Variants in KRT23 observed in about 807,000 individuals in gnomAD.
KRT23 encodes keratin 23.
In KRT23, 38 loss-of-function variants were observed where a neutral mutation model predicts 47.6. The ratio of observed to expected loss-of-function variants is 0.80; its 90% CI spans 0.62 to 1.05. The LOEUF (loss-of-function observed/expected upper bound fraction) is 1.05, where lower values mean the gene tolerates loss of function less well. Among genes scored for constraint, KRT23 ranks in the 50% least tolerant of loss-of-function variants. The pLI is 0.00. For synonymous variants in KRT23, 191 were observed against 199.0 expected (o/e 0.96, Z 0.34); for missense variants, 503 against 529.5 (o/e 0.95, Z 0.49).
intron 8 of KRT23, among the ~76,000 whole-genome samples, chr17:40,923,378 T>G (rs1328551118): frequency 6.6e-6 from 1 of 152,226 alleles, no homozygotes; most frequent in Non-Finnish European, 1.5e-5. Flanking sequence ...TGAGGAGTTC[T>G]TTCTCTGCCT....
At position 40,924,607 on chromosome 17, in the gene KRT23, C is replaced by T. The variant is rs914097638; in HGVS notation, c.1143-104G>A. The T allele has an allele frequency of 4.5e-6, 4 of 894,440 alleles. No individual in the cohort carries two copies. In the African/African-American group the frequency reaches 4.9e-5, roughly 11 times the overall value. The allele number at this position is 894,440 out of a possible 1,614,324, so 55.4% of individuals were successfully genotyped here. ...TTCGCTTGCTTGTAAATCCTCTGCT[C>T]TTTAATGAGGATAATTGTCTGAGCT... On this transcript the variant is annotated intron_variant, in intron 7 of 8. Coordinates refer to ENST00000209718, the MANE Select transcript of KRT23 (RefSeq NM_015515.5).
chr17:40,926,457 G>A (rs957316890), intron 6 of KRT23, among the ~76,000 whole-genome samples: 4 of 152,028 alleles, frequency 2.6e-5, no homozygotes, highest in Non-Finnish European at 5.9e-5. Flanking sequence ...CCATGGCCTC[G>A]CTTCCTAATT....
intron 6 of KRT23, 93 bp downstream of exon 6, chr17:40,928,145 A>C: frequency 6.7e-7 from 1 of 1,496,096 alleles, no homozygotes; most frequent in South Asian, 1.2e-5. Context: ...AGTTGTCCCA[A>C]GGGAGTTGAG....
At chr17:40,935,998 C>T (rs1910036303) in intron 2 of KRT23, among the ~76,000 whole-genome samples, 1 of 152,172 alleles carries the variant, frequency 6.6e-6, no homozygotes, top group Non-Finnish European at 1.5e-5. Flanking sequence ...TCTACATTAT[C>T]CATGGACAGT....
At chr17:40,933,445 T>G (rs992160332) in intron 2 of KRT23, among the ~76,000 whole-genome samples, 1 of 152,244 alleles carries the variant, frequency 6.6e-6, no homozygotes, top group Admixed American at 6.5e-5. Context: ...CCAAAGAGCC[T>G]GGGGGCCATT....
At chr17:40,929,805 T>C in intron 4 of KRT23, 135 bp downstream of exon 4, 1 of 671,026 alleles carries the variant, frequency 1.5e-6, no homozygotes, top group Non-Finnish European at 2.4e-6. Context: ...TTTGTATGTT[T>C]TTCTAAAGAC....
At position 40,928,533 on chromosome 17, in the gene KRT23, C is replaced by A. The variant is rs1280452622; in HGVS notation, c.711G>T (p.Leu237=). 6.2e-7 allele frequency: 1 copy of A among 1,614,060 alleles called. No individual in the cohort carries two copies. The highest frequency in any genetic ancestry group is 1.1e-5 in the South Asian group (1 of 91,086). The change falls in exon 5 of 9, where the codon CTG becomes CTT. Residue 237 remains leucine (L), a synonymous_variant. Transcript: ENST00000209718. The stretch of plus-strand genomic sequence containing the variant: ...GTCTCATATCCTCCAGGACCTTAAT[C>A]AGATCTTCCCTGGGACCTGTATCCA... ...VKVDTGPRED[L]IKVLEDMRQE...
intron 7 of KRT23, 85 bp from the exon 8 acceptor site, chr17:40,924,588 T>C (rs988549387): frequency 2.8e-6 from 3 of 1,053,634 alleles, no homozygotes; most frequent in Non-Finnish European, 4.4e-6. Context: ...TTCCTTCGCT[T>C]GCTTGTAAAT....
chr17:40,934,209 C>G (rs1468764866), intron 2 of KRT23, among the ~76,000 whole-genome samples: 1 of 152,166 alleles, frequency 6.6e-6, no homozygotes, highest in Non-Finnish European at 1.5e-5. Context: ...TGTGGGACCT[C>G]CTTGCACCTC....
At chr17:40,925,613 C>G (rs779887575) in intron 6 of KRT23, 39 bp from the exon 7 acceptor site, 2 of 1,447,778 alleles carry the variant, frequency 1.4e-6, no homozygotes, top group South Asian at 2.4e-5. Context: ...TAACTGATGG[C>G]TTGATTGAGT....
In KRT23 at chr17:40,922,933, A is replaced by G. The variant is rs1156262012; in HGVS notation, c.*56T>C. ...AGAACTCACTCACTGGTGTCTGTGCAAGGACTTTCCTTGGGGGAAAATAGA... is the reference window on the plus strand; with the variant it reads ...AGAACTCACTCACTGGTGTCTGTGCGAGGACTTTCCTTGGGGGAAAATAGA... On this transcript the variant is annotated 3_prime_UTR_variant, in exon 9 of 9. Transcript: ENST00000209718. 7.1e-6 allele frequency: 9 copies of G among 1,266,978 alleles called. No individual in the cohort carries two copies. The highest frequency in any genetic ancestry group is 9.2e-6 in the Non-Finnish European group (8 of 865,006). 78.5% of individuals were successfully genotyped at this position (1,266,978 alleles called of 1,614,324 possible).
intron 2 of KRT23, among the ~76,000 whole-genome samples, chr17:40,934,526 G>T (rs918409965): frequency 6.6e-6 from 1 of 152,168 alleles, no homozygotes; most frequent in Non-Finnish European, 1.5e-5. Context: ...ACAAATACCT[G>T]CTCCACACAG....
At position 40,923,095 on chromosome 17, in the gene KRT23, A is replaced by C; in HGVS notation, c.1175-12T>G. On this transcript the variant is annotated splice_polypyrimidine_tract_variant and intron_variant, in intron 8 of 8. Transcript: ENST00000209718. ...TGGAGTTGCAGACACTGAGAAAAAGAGCATGGAAGATGTCACTGCCATGCT... is the reference window on the plus strand; with the variant it reads ...TGGAGTTGCAGACACTGAGAAAAAGCGCATGGAAGATGTCACTGCCATGCT... 1 of 1,582,602 alleles carries C rather than the reference A, an allele frequency of 6.3e-7. No individual in the cohort carries two copies. The highest frequency in any genetic ancestry group is 1.3e-5 in the African/African-American group (1 of 74,398).
chr17:40,929,906 G>T (rs765303853), intron 4 of KRT23, 34 bp downstream of exon 4: 22 of 1,604,370 alleles, frequency 1.4e-5, no homozygotes, highest in African/African-American at 2.7e-5. Context: ...GCTAAGAGCT[G>T]TGCTTATTAG....
intron 2 of KRT23, 146 bp from the exon 3 acceptor site, chr17:40,931,601 C>G: frequency 1.6e-6 from 1 of 628,536 alleles, no homozygotes; most frequent in Admixed American, 2.6e-5. Context: ...AATGAATAAC[C>G]GAATCAGTAA....
chr17:40,925,261 T>C, intron 7 of KRT23, 93 bp downstream of exon 7: 1 of 1,055,680 alleles, frequency 9.5e-7, no homozygotes, highest in South Asian at 1.3e-5. Context: ...CTTGCTAGAG[T>C]GACTCTTGCT....
rs3067615 is a variant in KRT23, at chr17:40,929,027, C to CAAAA, written c.637-424_637-421dup. ...GGGTGACAGAGTGAGACCCTGTCTCCAAAAAAAAAAAAAAAAAAAAAAAGA... is the reference window on the plus strand; with the variant it reads ...GGGTGACAGAGTGAGACCCTGTCTCCAAAAAAAAAAAAAAAAAAAAAAAAAAAGA... On this transcript the variant is annotated intron_variant, in intron 4 of 8. Coordinates refer to ENST00000209718, the MANE Select transcript of KRT23 (RefSeq NM_015515.5). Among the ~76,000 whole-genome samples the CAAAA allele has an allele frequency of 1.8e-3, 116 of 64,216 alleles. 4 individuals carry two copies. The highest frequency in any genetic ancestry group is 5.3e-3 in the African/African-American group (83 of 15,682). 42.1% of individuals were successfully genotyped at this position (64,216 alleles called of 152,430 possible).
At chr17:40,936,129 T>A in intron 2 of KRT23, 79 bp downstream of exon 2, 1 of 1,505,310 alleles carries the variant, frequency 6.6e-7, no homozygotes, top group Non-Finnish European at 9.1e-7. Context: ...GGAAATTGTC[T>A]TCTGGACTCA....
chr17:40,924,450 A>G (rs751725367), intron 8 of KRT23, 22 bp downstream of exon 8: 1 of 1,601,390 alleles, frequency 6.2e-7, no homozygotes, highest in Non-Finnish European at 8.6e-7. Context: ...CAGAGATTCA[A>G]ACAATGAAGG....
Sources: allele counts gnomAD v4.1 joint callset (sites outside exome capture counted in the v4.1 genomes callset), GRCh38; gene constraint gnomAD v4.1.1; transcripts MANE v1.5; gene names NCBI Gene and HGNC (gene_info 2026-07-23, HGNC 2026-07-21).